Variants in SRP54 observed in about 807,000 individuals in gnomAD.
SRP54 encodes the protein signal recognition particle subunit SRP54.
SRP54 carries 10 observed loss-of-function variants against 64.8 expected under a neutral mutation model. That is an observed-to-expected ratio of 0.15 (90% confidence interval 0.10 to 0.26). SRP54 has a LOEUF of 0.26. Among genes scored for constraint, SRP54 ranks in the 10% least tolerant of loss-of-function variants. The pLI, the probability that SRP54 is intolerant of heterozygous loss-of-function variation, is 1.00. For synonymous variants in SRP54, 193 were observed against 185.6 expected (o/e 1.04, Z -0.32); for missense variants, 325 against 613.7 (o/e 0.53, Z 4.97).
chr14:35,017,171 A>C (rs1418403182), intron 11 of SRP54, among the ~76,000 whole-genome samples: 1 of 151,992 alleles, frequency 6.6e-6, no homozygotes, highest in Non-Finnish European at 1.5e-5. Context: ...TCCTTTTTCT[A>C]TCTTGGATAA....
intron 5 of SRP54, among the ~76,000 whole-genome samples, 187 bp from the exon 6 acceptor site, chr14:35,008,440 A>G (rs1338224509): frequency 6.6e-6 from 1 of 152,220 alleles, no homozygotes; most frequent in African/African-American, 2.4e-5. Flanking sequence ...ATGCTACTGC[A>G]TGACAATTAG....
At chr14:34,987,329 C>T (rs1466126736) in intron 1 of SRP54, among the ~76,000 whole-genome samples, 5 of 145,430 alleles carry the variant, frequency 3.4e-5, no homozygotes, top group Non-Finnish European at 7.5e-5. Flanking sequence ...CTAAAGTGTA[C>T]AATTGAAAGG....
intron 1 of SRP54, chr14:34,993,118 C>G (rs1481448871): frequency 6.6e-6 from 1 of 152,158 alleles, no homozygotes; most frequent in Non-Finnish European, 1.5e-5. Flanking sequence ...CCTTGGCCTC[C>G]CAGAGTGCTG....
intron 2 of SRP54, among the ~76,000 whole-genome samples, chr14:34,998,965 T>TG (rs2044118264): frequency 8.2e-6 from 1 of 121,774 alleles, no homozygotes; most frequent in Non-Finnish European, 1.9e-5. Flanking sequence ...TATTATTACT[T>TG]TGTGTGTATG....
intron 7 of SRP54, 88 bp downstream of exon 7, chr14:35,008,919 C>G (rs1482230241): frequency 1.9e-5 from 20 of 1,055,110 alleles, no homozygotes; most frequent in Non-Finnish European, 2.7e-5. Context: ...CGGAGTCTCC[C>G]TCTGTCACCC....
rs1191697035 is a variant in SRP54, at chr14:35,013,584, T to A, written c.785+90T>A. 11 of 1,430,558 alleles carry A rather than the reference T, an allele frequency of 7.7e-6. No homozygotes were observed. The Admixed American group carries it at 2.2e-4, about 28-fold the overall frequency. 88.6% of individuals were successfully genotyped at this position (1,430,558 alleles called of 1,614,324 possible). The stretch of plus-strand genomic sequence containing the variant: ...GCTTTCATATTGATCATTTAAAATA[T>A]GTTTCAATAGTGAGCCTAATATGGT... On this transcript the variant is annotated intron_variant, in intron 9 of 15. Transcript: ENST00000216774.
chr14:34,988,164 A>C (rs1310741819), intron 1 of SRP54, among the ~76,000 whole-genome samples: 7 of 152,350 alleles, frequency 4.6e-5, no homozygotes, highest in Admixed American at 4.6e-4. Context: ...TTGTAATCAC[A>C]GAACATAAAG....
At position 35,029,122 on chromosome 14, in the gene SRP54, G is replaced by C. The variant is rs751720012; in HGVS notation, c.1485G>C (p.Met495Ile). Reference sequence around the variant, plus strand: ...TTCAACAGGGTGCTGCTGGCAACATGAAAGGCATGATGGGATTCAATAATA... The same window carrying C: ...TTCAACAGGGTGCTGCTGGCAACATCAAAGGCATGATGGGATTCAATAATA... ...RQFQQGAAGN[M>I]KGMMGFNNM Residue 495 changes from methionine (M) to isoleucine (I), a missense_variant, in exon 16 of 16, where the codon ATG (methionine) becomes ATC (isoleucine). Met to Ile is a conservative substitution (Grantham distance 10). Transcript: ENST00000216774. 6.2e-7 allele frequency: 1 copy of C among 1,613,866 alleles called. No individual in the cohort carries two copies. Among genetic ancestry groups the C allele is most frequent in the South Asian group, 1.1e-5 (1 of 91,056 alleles).
intron 1 of SRP54, among the ~76,000 whole-genome samples, chr14:34,990,357 A>G (rs1388448982): frequency 1.3e-5 from 2 of 152,210 alleles, no homozygotes; most frequent in African/African-American, 4.8e-5. Context: ...ATTCAACCCT[A>G]TAATTTAAAG....
intron 15 of SRP54, 79 bp from the exon 16 acceptor site, chr14:35,028,982 T>C: frequency 8.4e-7 from 1 of 1,184,024 alleles, no homozygotes; most frequent in Non-Finnish European, 1.2e-6. Flanking sequence ...GAAGTACTTA[T>C]TAGGCAAAAG....
chr14:35,020,771 A>G (rs890144828), intron 13 of SRP54, among the ~76,000 whole-genome samples: 3 of 152,178 alleles, frequency 2.0e-5, no homozygotes, highest in Non-Finnish European at 4.4e-5. Context: ...TGTCCTGAGC[A>G]CTTTAAATAT....
chr14:34,996,097 C>G (rs1405992067), intron 1 of SRP54, among the ~76,000 whole-genome samples: 2 of 151,710 alleles, frequency 1.3e-5, no homozygotes, highest in African/African-American at 4.8e-5. Flanking sequence ...AATAATATAC[C>G]TCTTTCCTTT....
chr14:35,027,040 T>A (rs900950580), intron 14 of SRP54, among the ~76,000 whole-genome samples: 1 of 150,930 alleles, frequency 6.6e-6, no homozygotes, highest in Non-Finnish European at 1.5e-5. Context: ...TTTTTTTTTT[T>A]TTCTTCTGAG....
intron 8 of SRP54, among the ~76,000 whole-genome samples, chr14:35,013,123 A>G (rs2044382237): frequency 6.6e-6 from 1 of 151,630 alleles, no homozygotes; most frequent in African/African-American, 2.4e-5. Context: ...TTTGTATGCT[A>G]ATTTTTGTAT....
At chr14:35,011,092 GT>G (rs774135661) in intron 7 of SRP54, among the ~76,000 whole-genome samples, 32 of 145,532 alleles carry the variant, frequency 2.2e-4, no homozygotes, top group Non-Finnish European at 2.7e-4. Flanking sequence ...ATGCCAGCTA[GT>G]TTTTTTTTTT....
At chr14:35,019,688 G>A (rs2044494951) in intron 13 of SRP54, among the ~76,000 whole-genome samples, 1 of 152,092 alleles carries the variant, frequency 6.6e-6, no homozygotes, top group African/African-American at 2.4e-5. Context: ...ACCCTATAAA[G>A]GCATGCCTCA....
At chr14:35,025,755 C>T (rs1385734559) in intron 14 of SRP54, among the ~76,000 whole-genome samples, 2 of 152,206 alleles carry the variant, frequency 1.3e-5, no homozygotes, top group East Asian at 3.8e-4. Context: ...ATCATAAAAA[C>T]ATAATCTTCT....
intron 1 of SRP54, among the ~76,000 whole-genome samples, chr14:34,992,849 G>A (rs2038253): frequency 0.37 from 55,749 of 151,496 alleles, 10,833 homozygotes; most frequent in East Asian, 0.69. Flanking sequence ...AAGTTAACTA[G>A]TATGGCTTAT....
intron 14 of SRP54, 67 bp downstream of exon 14, chr14:35,023,147 T>A: frequency 7.4e-7 from 1 of 1,354,172 alleles, no homozygotes; most frequent in Non-Finnish European, 1.0e-6. Context: ...AAAAGAGTGC[T>A]GCCAGTATTG....
Sources: allele counts gnomAD v4.1 joint callset (sites outside exome capture counted in the v4.1 genomes callset), GRCh38; gene constraint gnomAD v4.1.1; transcripts MANE v1.5; gene names NCBI Gene and HGNC (gene_info 2026-07-23, HGNC 2026-07-21).